Variants in RAB11FIP4 observed in about 807,000 individuals in gnomAD.
RAB11FIP4 encodes rab11 family-interacting protein 4.
RAB11FIP4 carries 23 observed loss-of-function variants against 74.3 expected under a neutral mutation model. The observed-to-expected ratio is 0.31, with a 90% CI of 0.22 to 0.44. RAB11FIP4 has a LOEUF of 0.44. RAB11FIP4 is among the 20% of genes least tolerant of loss of function. The pLI is 1.00. For missense variants in RAB11FIP4, 630 were observed against 863.9 expected, an observed-to-expected ratio of 0.73 and a Z score of 3.39; for synonymous variants, 360 against 359.9, an observed-to-expected ratio of 1.00 and a Z score of 0.00.
intron 1 of RAB11FIP4, among the ~76,000 whole-genome samples, chr17:31,406,769 CTGTT>C (rs1302547210): frequency 6.6e-6 from 1 of 152,130 alleles, no homozygotes; most frequent in African/African-American, 2.4e-5. Flanking sequence ...TATTTCAGCA[CTGTT>C]TGTCATGCCA....
intron 3 of RAB11FIP4, among the ~76,000 whole-genome samples, chr17:31,468,296 A>G (rs747794139): frequency 6.6e-6 from 1 of 152,118 alleles, no homozygotes; most frequent in Non-Finnish European, 1.5e-5. Flanking sequence ...AGCTGGCCTC[A>G]GGCAGACACA....
chr17:31,425,586 GA>G (rs752534468), intron 1 of RAB11FIP4, among the ~76,000 whole-genome samples: 8 of 152,180 alleles, frequency 5.3e-5, no homozygotes, highest in African/African-American at 1.7e-4. Flanking sequence ...TGAGTGGGGG[GA>G]AAAAATCAGC....
intron 3 of RAB11FIP4, among the ~76,000 whole-genome samples, chr17:31,450,494 G>A (rs7217435): frequency 0.11 from 16,348 of 151,744 alleles, 1,446 homozygotes; most frequent in East Asian, 0.29. Context: ...ATAGGACGGC[G>A]CCATCACACC....
intron 3 of RAB11FIP4, among the ~76,000 whole-genome samples, chr17:31,510,996 GT>G (rs1221915710): frequency 6.6e-6 from 1 of 152,004 alleles, no homozygotes; most frequent in African/African-American, 2.4e-5. Context: ...CATTCCAAGG[GT>G]TTTTTTGTTT....
chr17:31,490,628 T>C lies in RAB11FIP4; in HGVS notation c.337-27023T>C, dbSNP rs764626594. Among the ~76,000 whole-genome samples, 68 of 152,064 alleles carry C rather than the reference T, an allele frequency of 4.5e-4. 1 individual carries two copies. Among genetic ancestry groups the C allele is most frequent in the Non-Finnish European group, 5.9e-5 (4 of 68,012 alleles). On this transcript the variant is annotated intron_variant, in intron 3 of 14. Coordinates refer to ENST00000621161, the MANE Select transcript of RAB11FIP4 (RefSeq NM_032932.6). The stretch of plus-strand genomic sequence containing the variant: ...TGGAGTCAAGTGGTGTGATCAGGGC[T>C]CACTGCAGCCTCCCACCCTCCCAGG...
At chr17:31,454,531 C>T (rs928944548) in intron 3 of RAB11FIP4, among the ~76,000 whole-genome samples, 4 of 152,114 alleles carry the variant, frequency 2.6e-5, no homozygotes, top group African/African-American at 9.6e-5. Flanking sequence ...ACCTTAGCCT[C>T]CCAAAGCACT....
At chr17:31,452,443 T>G (rs1326096016) in intron 3 of RAB11FIP4, among the ~76,000 whole-genome samples, 1 of 152,192 alleles carries the variant, frequency 6.6e-6, no homozygotes, top group Non-Finnish European at 1.5e-5. Flanking sequence ...TCTCTGAGAC[T>G]CTGCAGCTGG....
chr17:31,426,570 C>T (rs1460178309), intron 1 of RAB11FIP4, among the ~76,000 whole-genome samples: 1 of 150,830 alleles, frequency 6.6e-6, no homozygotes, highest in East Asian at 1.9e-4. Flanking sequence ...TAATTTCACA[C>T]CTGTTTTCTT....
intron 13 of RAB11FIP4, among the ~76,000 whole-genome samples, 164 bp from the exon 14 acceptor site, chr17:31,530,162 C>A (rs374913279): frequency 5.6e-4 from 86 of 152,336 alleles, no homozygotes; most frequent in African/African-American, 2.0e-3. Flanking sequence ...GCCCCCAGCG[C>A]TTGGCAAAGG....
chr17:31,501,109 A>C (rs2072212167), intron 3 of RAB11FIP4, among the ~76,000 whole-genome samples: 1 of 152,184 alleles, frequency 6.6e-6, no homozygotes, highest in Admixed American at 6.5e-5. Flanking sequence ...TAGATTCACC[A>C]AGCTTTGATT....
chr17:31,521,762 G>T, intron 5 of RAB11FIP4, 153 bp from the exon 6 acceptor site: 1 of 809,266 alleles, frequency 1.2e-6, no homozygotes, highest in Non-Finnish European at 1.9e-6. Flanking sequence ...GTTGGAGAAG[G>T]GATGATCTGT....
At chr17:31,488,534 G>A (rs933075822) in intron 3 of RAB11FIP4, 21 of 235,602 alleles carry the variant, frequency 8.9e-5, no homozygotes, top group Non-Finnish European at 1.5e-4. Flanking sequence ...GGGACCCGAC[G>A]GCGGGCCCCA....
At chr17:31,415,574 G>C (rs540918138) in intron 1 of RAB11FIP4, among the ~76,000 whole-genome samples, 1 of 152,016 alleles carries the variant, frequency 6.6e-6, no homozygotes. Context: ...ATGCCTGAAA[G>C]CATTACGATC....
At chr17:31,524,446 G>C in intron 9 of RAB11FIP4, 1 of 182,722 alleles carries the variant, frequency 5.5e-6, no homozygotes, top group Non-Finnish European at 1.2e-5. Flanking sequence ...GGTGGATTCA[G>C]GGTTTAGTTG....
chr17:31,397,842 G>A (rs2070944920), intron 1 of RAB11FIP4, among the ~76,000 whole-genome samples: 2 of 151,744 alleles, frequency 1.3e-5, no homozygotes, highest in African/African-American at 4.8e-5. Flanking sequence ...AAGTCTGCTG[G>A]GACTCATCCA....
At chr17:31,421,050 C>T (rs890214707) in intron 1 of RAB11FIP4, among the ~76,000 whole-genome samples, 10 of 152,110 alleles carry the variant, frequency 6.6e-5, no homozygotes, top group Non-Finnish European at 1.5e-4. Context: ...CGCCATTGCA[C>T]TCCAGCCTAG....
intron 1 of RAB11FIP4, among the ~76,000 whole-genome samples, chr17:31,397,374 G>C (rs546346640): frequency 1.3e-5 from 2 of 152,192 alleles, no homozygotes; most frequent in Non-Finnish European, 2.9e-5. Context: ...GGGCAGTGGC[G>C]GGGGGTGCAG....
chr17:31,424,011 C>T (rs1448115626), intron 1 of RAB11FIP4, among the ~76,000 whole-genome samples: 1 of 152,106 alleles, frequency 6.6e-6, no homozygotes, highest in Non-Finnish European at 1.5e-5. Context: ...CAGGGCACTT[C>T]TCCCACTCGA....
chr17:31,519,007 CTTT>C (rs1190316585), intron 4 of RAB11FIP4, among the ~76,000 whole-genome samples: 854 of 73,830 alleles, frequency 0.012, 5 homozygotes, highest in African/African-American at 0.043. Flanking sequence ...TAAGTTTTGT[CTTT>C]TTTTTTTTTT....
Sources: allele counts gnomAD v4.1 joint callset (sites outside exome capture counted in the v4.1 genomes callset), GRCh38; gene constraint gnomAD v4.1.1; transcripts MANE v1.5; gene names NCBI Gene and HGNC (gene_info 2026-07-23, HGNC 2026-07-21).